The following RGL1 variants were observed in gnomAD, a reference collection of about 807,000 sequenced individuals.
RGL1 encodes the protein ral guanine nucleotide dissociation stimulator-like 1.
In RGL1, 24 loss-of-function variants were observed where a neutral mutation model predicts 95.2. The ratio of observed to expected loss-of-function variants is 0.25; its 90% CI spans 0.18 to 0.35. RGL1 has a LOEUF of 0.35. Among genes scored for constraint, RGL1 ranks in the 10% least tolerant of loss-of-function variants. The pLI is 1.00. For synonymous variants in RGL1, 329 were observed against 344.9 expected (o/e 0.95, Z 0.51); for missense variants, 715 against 936.3 (o/e 0.76, Z 3.08).
At chr1:183,738,362 A>C (rs897334744) in intron 1 of RGL1, among the ~76,000 whole-genome samples, 1 of 152,072 alleles carries the variant, frequency 6.6e-6, no homozygotes, top group African/African-American at 2.4e-5. Context: ...CAGAGGTTGC[A>C]GTAAGCTGAG....
chr1:183,897,890 A>G lies in RGL1; in HGVS notation c.1223A>G (p.Lys408Arg), dbSNP rs1173370921. 8 of 1,613,652 alleles carry G rather than the reference A, an allele frequency of 5.0e-6. No individual in the cohort carries two copies. Among genetic ancestry groups the G allele is most frequent in the Admixed American group, 3.3e-5 (2 of 59,998 alleles). Residue 408 changes from lysine to arginine, a missense_variant, in exon 10 of 18, where the codon AAG becomes AGG. Transcript: ENST00000360851. ...ACCCAGAGGCGGCTGCAGCTCCAGA[A>G]GGACATGGTATGTCTGGCCCTCGTC... ...KRTQRRLQLQ[K>R]DMGVMQGTVP...
chr1:183,748,429 G>A (rs1408585636), intron 2 of RGL1, among the ~76,000 whole-genome samples: 3 of 106,038 alleles, frequency 2.8e-5, no homozygotes, highest in African/African-American at 7.7e-5. Context: ...TTTTTGAGAC[G>A]GAGTCTCGCT....
chr1:183,849,617 G>A (rs559851532), intron 3 of RGL1, among the ~76,000 whole-genome samples: 2 of 148,274 alleles, frequency 1.3e-5, no homozygotes, highest in South Asian at 4.4e-4. Flanking sequence ...CAGCCTCCTG[G>A]GTAGCTGGGA....
At chr1:183,889,925 C>G (rs774862667) in intron 8 of RGL1, among the ~76,000 whole-genome samples, 7 of 152,068 alleles carry the variant, frequency 4.6e-5, no homozygotes, top group Non-Finnish European at 8.8e-5. Flanking sequence ...TTTGAATAAT[C>G]AAGGTGATTG....
chr1:183,895,669 G>A (rs1667651674), intron 9 of RGL1, among the ~76,000 whole-genome samples: 1 of 152,178 alleles, frequency 6.6e-6, no homozygotes, highest in Non-Finnish European at 1.5e-5. Context: ...TTTCAAGAAG[G>A]TTCAAGGGAT....
At chr1:183,907,226 C>T in intron 14 of RGL1, 125 bp downstream of exon 14, 1 of 649,684 alleles carries the variant, frequency 1.5e-6, no homozygotes, top group Admixed American at 2.3e-5. Context: ...ATTTGTTAAG[C>T]CGTTTATCCT....
At chr1:183,647,868 T>C in intron 1 of RGL1, 1 of 1,614,176 alleles carries the variant, frequency 6.2e-7, no homozygotes, top group South Asian at 1.1e-5. Context: ...TTGGCCCATA[T>C]GCATTGGTGG....
intron 1 of RGL1, among the ~76,000 whole-genome samples, chr1:183,708,952 ACAC>A (rs1655093485): frequency 6.6e-6 from 1 of 152,116 alleles, no homozygotes; most frequent in Admixed American, 6.5e-5. Flanking sequence ...GCGCCAATGA[ACAC>A]CACAAGGCGG....
intron 1 of RGL1, among the ~76,000 whole-genome samples, chr1:183,691,897 A>G (rs2182595): frequency 0.7 from 106,241 of 151,834 alleles, 37,576 homozygotes; most frequent in East Asian, 0.91. Flanking sequence ...AATTTTATGA[A>G]AAATAGACTA....
intron 3 of RGL1, among the ~76,000 whole-genome samples, chr1:183,855,315 A>G (rs957623683): frequency 3.3e-5 from 5 of 152,236 alleles, no homozygotes; most frequent in Non-Finnish European, 5.9e-5. Flanking sequence ...AACCTTCTAT[A>G]AAAAGCCCAT....
chr1:183,739,598 T>C (rs1657160767), intron 1 of RGL1, among the ~76,000 whole-genome samples: 1 of 152,284 alleles, frequency 6.6e-6, no homozygotes, highest in Middle Eastern at 3.4e-3. Flanking sequence ...ATATTGTACA[T>C]ATGGTCATTT....
At chr1:183,830,809 A>G (rs1663208831) in intron 2 of RGL1, among the ~76,000 whole-genome samples, 1 of 152,216 alleles carries the variant, frequency 6.6e-6, no homozygotes, top group African/African-American at 2.4e-5. Flanking sequence ...AACTGCTATG[A>G]AGAGATGGGA....
intron 3 of RGL1, among the ~76,000 whole-genome samples, chr1:183,862,145 C>T (rs749247490): frequency 5.9e-5 from 9 of 152,036 alleles, no homozygotes; most frequent in Non-Finnish European, 8.8e-5. Context: ...AGTTCGAGAC[C>T]GGCCTGGGCA....
intron 1 of RGL1, among the ~76,000 whole-genome samples, chr1:183,699,364 G>A (rs1193659285): frequency 3.9e-5 from 6 of 152,276 alleles, no homozygotes; most frequent in South Asian, 2.1e-4. Context: ...GCTCCAGGTC[G>A]TAGACTTGGA....
intron 9 of RGL1, among the ~76,000 whole-genome samples, chr1:183,894,647 C>T (rs1378562421): frequency 6.6e-6 from 1 of 151,900 alleles, no homozygotes; most frequent in East Asian, 1.9e-4. Context: ...TAGTGTTACT[C>T]CTGGTTTTAT....
At chr1:183,682,153 T>C (rs958517531) in intron 1 of RGL1, among the ~76,000 whole-genome samples, 4 of 152,216 alleles carry the variant, frequency 2.6e-5, no homozygotes, top group Admixed American at 6.5e-5. Context: ...AAGGGTTTTT[T>C]GTGTCTCTAT....
intron 2 of RGL1, among the ~76,000 whole-genome samples, chr1:183,764,664 G>A (rs115217598): frequency 0.019 from 2,841 of 152,156 alleles, 88 homozygotes; most frequent in African/African-American, 0.066. Context: ...TATGGTTGTC[G>A]ATCTTTCGGG....
At chr1:183,831,341 G>C (rs1663245782) in intron 2 of RGL1, among the ~76,000 whole-genome samples, 1 of 152,182 alleles carries the variant, frequency 6.6e-6, no homozygotes, top group Non-Finnish European at 1.5e-5. Context: ...CTGAAGGAAG[G>C]CCAGTGTGGT....
At chr1:183,864,583 G>T (rs1269055643) in intron 3 of RGL1, among the ~76,000 whole-genome samples, 1 of 152,192 alleles carries the variant, frequency 6.6e-6, no homozygotes, top group African/African-American at 2.4e-5. Context: ...TTCCATCCTT[G>T]CCTTGCTCAT....
Sources: allele counts gnomAD v4.1 joint callset (sites outside exome capture counted in the v4.1 genomes callset), GRCh38; gene constraint gnomAD v4.1.1; transcripts MANE v1.5; gene names NCBI Gene and HGNC (gene_info 2026-07-23, HGNC 2026-07-21).